The following LUC7L2 variants were observed in gnomAD, a reference collection of about 807,000 sequenced individuals.
LUC7L2 encodes LUC7 like 2, pre-mRNA splicing factor, also known as putative RNA-binding protein Luc7-like 2.
Under a neutral mutation model 52.8 loss-of-function variants are expected in LUC7L2, and 25 were observed. That is an observed-to-expected ratio of 0.47 (90% CI 0.34 to 0.66). The LOEUF (loss-of-function observed/expected upper bound fraction) is 0.66. Among genes scored for constraint, LUC7L2 ranks in the 30% least tolerant of loss-of-function variants. The pLI, the probability that LUC7L2 is intolerant of heterozygous loss-of-function variation, is 0.01. For synonymous variants in LUC7L2, 144 were observed against 160.9 expected (o/e 0.89, Z 0.80); for missense variants, 328 against 497.8 (o/e 0.66, Z 3.25).
At chr7:139,347,016 A>T (rs1439663075) in intron 1 of LUC7L2, among the ~76,000 whole-genome samples, 2 of 152,206 alleles carry the variant, frequency 1.3e-5, no homozygotes, top group African/African-American at 4.8e-5. Flanking sequence ...CCAATAAAAT[A>T]GTCTCCTAAA....
chr7:139,405,673 A>C lies in LUC7L2; in HGVS notation c.396A>C (p.Glu132Asp). ...AACGTGTTCATGAGTTAAATGAAGA[A>C]ATTGGTAAATTGTTAGCCAAGGTGG... ...KAERVHELNE[E>D]IGKLLAKVEQ... Residue 132 changes from glutamate to aspartate, a missense_variant, in exon 5 of 10, where the codon GAA becomes GAC. Glu to Asp is a conservative substitution (Grantham distance 45). Transcript: ENST00000354926. The C allele has an allele frequency of 7.5e-6, 12 of 1,610,280 alleles. No individual in the cohort carries two copies. Among genetic ancestry groups the C allele is most frequent in the Non-Finnish European group, 1.0e-5 (12 of 1,179,110 alleles).
intron 1 of LUC7L2, among the ~76,000 whole-genome samples, chr7:139,343,355 G>A (rs985648978): frequency 1.3e-5 from 2 of 152,180 alleles, no homozygotes; most frequent in Non-Finnish European, 2.9e-5. Context: ...ATGATCTGCA[G>A]ATCCTAAAAC....
chr7:139,398,515 G>A (rs1342011634), intron 2 of LUC7L2, 84 bp from the exon 3 acceptor site: 4 of 1,069,134 alleles, frequency 3.7e-6, no homozygotes, highest in African/African-American at 1.6e-5. Flanking sequence ...GACTTAATAT[G>A]TATTCTGACA....
chr7:139,415,322 G>A (rs10265718), intron 8 of LUC7L2, among the ~76,000 whole-genome samples: 58,173 of 150,980 alleles, frequency 0.39, 15,571 homozygotes, highest in African/African-American at 0.76. Flanking sequence ...CAGGAACTTT[G>A]TTTTACTTGC....
chr7:139,382,380 C>CTTTATTTA (rs112300470), intron 2 of LUC7L2, among the ~76,000 whole-genome samples: 72 of 151,118 alleles, frequency 4.8e-4, no homozygotes, highest in African/African-American at 1.1e-3. Context: ...TTGTCACAGT[C>CTTTATTTA]TTTATTTATT....
chr7:139,372,007 T>C (rs1168416604), intron 1 of LUC7L2, among the ~76,000 whole-genome samples: 3 of 152,188 alleles, frequency 2.0e-5, no homozygotes, highest in Non-Finnish European at 4.4e-5. Context: ...GTAGAGAATT[T>C]GGTAGAAATA....
upstream of LUC7L2, among the ~76,000 whole-genome samples, chr7:139,357,884 G>A (rs150457407): frequency 2.2e-3 from 336 of 151,850 alleles, 1 homozygote; most frequent in Non-Finnish European, 3.8e-3. Flanking sequence ...GTAGAGACAG[G>A]GTTTCACCAT....
intron 1 of LUC7L2, among the ~76,000 whole-genome samples, chr7:139,374,209 C>G (rs1451409379): frequency 6.6e-6 from 1 of 152,144 alleles, no homozygotes; most frequent in African/African-American, 2.4e-5. Flanking sequence ...TGTAGTCAGT[C>G]ATACAATTAT....
At chr7:139,417,753 T>C in intron 9 of LUC7L2, 24 bp downstream of exon 9, 4 of 1,604,660 alleles carry the variant, frequency 2.5e-6, no homozygotes, top group Non-Finnish European at 3.4e-6. Context: ...AATCAGAGGA[T>C]ATGGAGCTAC....
intron 6 of LUC7L2, among the ~76,000 whole-genome samples, chr7:139,408,841 CA>C (rs564827916): frequency 2.4e-3 from 206 of 86,910 alleles, no homozygotes; most frequent in Middle Eastern, 7.5e-3. Context: ...GACTCTGTCT[CA>C]AAAAAAAAAA....
chr7:139,408,923 A>G (rs7781157), intron 6 of LUC7L2, among the ~76,000 whole-genome samples: 57,695 of 151,074 alleles, frequency 0.38, 15,383 homozygotes, highest in African/African-American at 0.76. Context: ...CAAGGTGGCC[A>G]GATCACTTGA....
Position 139,422,789 on chromosome 7 carries a change from T to A in LUC7L2, c.*449T>A, listed in dbSNP as rs749160785. ...TAAGAGAAAGGGGGCAGGGAAGCAA[T>A]ATAGCTTCCATTCTAAGGCTGTATT... is the stretch of plus-strand genomic sequence containing the variant. On this transcript the variant is annotated 3_prime_UTR_variant, in exon 10 of 10. Coordinates refer to ENST00000354926, the MANE Select transcript of LUC7L2 (RefSeq NM_016019.5). 2.0e-5 allele frequency: 8 copies of A among 399,690 alleles called. No homozygotes were observed. The highest frequency in any genetic ancestry group is 4.1e-5 in the African/African-American group (2 of 48,602). The allele number at this position is 399,690 out of a possible 1,614,324, so 24.8% of individuals were successfully genotyped here. A position where few individuals can be genotyped will look rare whatever the true frequency, so the allele number is the denominator to read the frequency against.
intron 7 of LUC7L2, 60 bp downstream of exon 7, chr7:139,409,714 A>G (rs1039477733): frequency 6.1e-6 from 9 of 1,475,088 alleles, no homozygotes; most frequent in Non-Finnish European, 8.1e-6. Flanking sequence ...AAAGAGATAT[A>G]ATTGATTTTA....
intron 2 of LUC7L2, among the ~76,000 whole-genome samples, chr7:139,395,630 A>G (rs1207088720): frequency 2.0e-5 from 3 of 152,154 alleles, no homozygotes; most frequent in Non-Finnish European, 2.9e-5. Context: ...AGTTTTACAG[A>G]AAAACATTTT....
chr7:139,374,924 A>C, intron 1 of LUC7L2: 1 of 991,788 alleles, frequency 1.0e-6, no homozygotes. Flanking sequence ...CCTACACGAA[A>C]GTTTTTGGAG....
upstream of LUC7L2, chr7:139,359,746 C>G (rs570612437): frequency 2.5e-6 from 1 of 400,290 alleles, no homozygotes; most frequent in African/African-American, 2.1e-5. Flanking sequence ...ATCGCGAGAT[C>G]CGGGGTAAAG....
intron 1 of LUC7L2, among the ~76,000 whole-genome samples, chr7:139,361,278 T>C (rs1223337603): frequency 6.6e-6 from 1 of 152,208 alleles, no homozygotes; most frequent in African/African-American, 2.4e-5. Flanking sequence ...GCAAAATCCT[T>C]GGTAGTTTTT....
chr7:139,345,452 A>G (rs766467355), intron 1 of LUC7L2: 31 of 1,609,242 alleles, frequency 1.9e-5, no homozygotes, highest in Non-Finnish European at 2.5e-5. Context: ...TTCTCTGTGG[A>G]CCTGTATCTC....
chr7:139,383,665 C>T (rs1417799096), intron 2 of LUC7L2, among the ~76,000 whole-genome samples: 2 of 151,406 alleles, frequency 1.3e-5, no homozygotes, highest in East Asian at 4.2e-4. Context: ...ATCCGCCCAC[C>T]TCGGCCTTCC....
Sources: allele counts gnomAD v4.1 joint callset (sites outside exome capture counted in the v4.1 genomes callset), GRCh38; gene constraint gnomAD v4.1.1; transcripts MANE v1.5; gene names NCBI Gene and HGNC (gene_info 2026-07-23, HGNC 2026-07-21).